The following LDLRAD4 variants were observed in gnomAD, a reference collection of about 807,000 sequenced individuals.
LDLRAD4 encodes the protein low-density lipoprotein receptor class A domain-containing protein 4.
LDLRAD4 carries 5 observed loss-of-function variants against 17.0 expected under a neutral mutation model. That is an observed-to-expected ratio of 0.29 (90% CI 0.15 to 0.62). The LOEUF is 0.62. Among genes scored for constraint, LDLRAD4 ranks in the 20% least tolerant of loss-of-function variants. The probability of loss-of-function intolerance (pLI) is 0.84; values close to 1 mark genes in which losing one functional copy is unlikely to be tolerated. For missense variants in LDLRAD4, 340 were observed against 424.7 expected (o/e 0.80, Z 1.75); for synonymous variants, 168 against 171.8 (o/e 0.98, Z 0.17).
intron 1 of LDLRAD4, among the ~76,000 whole-genome samples, chr18:13,379,791 A>G (rs1599792283): frequency 6.6e-6 from 1 of 152,304 alleles, no homozygotes; most frequent in Admixed American, 6.5e-5. Flanking sequence ...GTCGGTTCAT[A>G]TTCTTTTCTA....
intron 1 of LDLRAD4, among the ~76,000 whole-genome samples, chr18:13,226,211 G>A (rs796496298): frequency 2.1e-4 from 3 of 14,286 alleles, no homozygotes; most frequent in East Asian, 3.0e-3. Context: ...TGTAGAGACC[G>A]GGTTTCGCCA....
intron 1 of LDLRAD4, among the ~76,000 whole-genome samples, chr18:13,344,784 A>G (rs2082585153): frequency 6.6e-6 from 1 of 152,148 alleles, no homozygotes; most frequent in South Asian, 2.1e-4. Context: ...TTCTCCTTGA[A>G]GAGGTCCTTC....
intron 3 of LDLRAD4, among the ~76,000 whole-genome samples, chr18:13,498,679 G>A (rs927093947): frequency 2.1e-5 from 3 of 140,308 alleles, no homozygotes; most frequent in Admixed American, 1.4e-4. Context: ...CCCCACACAC[G>A]TCCTGCTGTG....
intron 3 of LDLRAD4, among the ~76,000 whole-genome samples, chr18:13,573,864 G>A (rs1416819264): frequency 6.6e-6 from 1 of 152,184 alleles, no homozygotes; most frequent in African/African-American, 2.4e-5. Context: ...ATCCTGGAGA[G>A]GGATTAGAAG....
At chr18:13,307,565 G>GT (rs1224888215) in intron 1 of LDLRAD4, among the ~76,000 whole-genome samples, 1 of 152,054 alleles carries the variant, frequency 6.6e-6, no homozygotes, top group Non-Finnish European at 1.5e-5. Flanking sequence ...CACAGGGCAT[G>GT]TCACCACTCC....
At chr18:13,600,323 C>T (rs1225863613) in intron 3 of LDLRAD4, among the ~76,000 whole-genome samples, 5 of 152,110 alleles carry the variant, frequency 3.3e-5, no homozygotes, top group Non-Finnish European at 5.9e-5. Context: ...TAGGGTGGGA[C>T]TTGAAGGACT....
Position 13,650,908 on chromosome 18 carries a change from T to TATG in LDLRAD4, c.*5253_*5255dup, listed in dbSNP as rs3840888. 4.0e-3 allele frequency: 614 copies of TATG among 152,434 alleles called. 5 individuals carry two copies. The highest frequency in any genetic ancestry group is 0.028 in the East Asian group (148 of 5,196). The allele number at this position is 152,434 out of a possible 1,614,324, so 9.4% of individuals were successfully genotyped here. A position where few individuals can be genotyped will look rare whatever the true frequency, so the allele number is the denominator to read the frequency against. On this transcript the variant is annotated 3_prime_UTR_variant, in exon 6 of 6. Coordinates refer to ENST00000359446, the Ensembl canonical transcript of LDLRAD4. ...AAGTGTGAACAAACAAGCAACAGTT[T>TATG]ATGACCAGCGTATATATAGCAATGG...
chr18:13,371,769 GAGAGAGAGAGAGAA>G (rs1213329515), intron 1 of LDLRAD4, among the ~76,000 whole-genome samples: 1 of 151,252 alleles, frequency 6.6e-6, no homozygotes, highest in Non-Finnish European at 1.5e-5. Context: ...TGTCTCAAAA[GAGAGAGAGAGAGAA>G]AGAGAGAGAG....
chr18:13,408,549 T>C (rs1370711829), intron 2 of LDLRAD4, among the ~76,000 whole-genome samples: 1 of 152,094 alleles, frequency 6.6e-6, no homozygotes, highest in African/African-American at 2.4e-5. Flanking sequence ...ATTGGCTCAC[T>C]GCAACCTCTG....
intron 1 of LDLRAD4, among the ~76,000 whole-genome samples, chr18:13,331,660 T>C (rs1305142348): frequency 2.0e-5 from 3 of 152,234 alleles, no homozygotes; most frequent in Non-Finnish European, 2.9e-5. Flanking sequence ...CTAAATAAAC[T>C]GCACTTGATT....
At chr18:13,617,898 G>A (rs1415974759) in intron 3 of LDLRAD4, among the ~76,000 whole-genome samples, 1 of 152,202 alleles carries the variant, frequency 6.6e-6, no homozygotes, top group Non-Finnish European at 1.5e-5. Flanking sequence ...AACGAATGCA[G>A]CCTTTACAAA....
At chr18:13,549,823 C>A (rs1483698796) in intron 3 of LDLRAD4, among the ~76,000 whole-genome samples, 1 of 152,042 alleles carries the variant, frequency 6.6e-6, no homozygotes, top group Non-Finnish European at 1.5e-5. Flanking sequence ...TCTGGGGAAG[C>A]CAGCAGCAGA....
At chr18:13,608,921 CCAA>C (rs1413576436) in intron 3 of LDLRAD4, among the ~76,000 whole-genome samples, 1 of 152,208 alleles carries the variant, frequency 6.6e-6, no homozygotes. Context: ...CTTGTTGCTA[CCAA>C]CAACTCTTGT....
At chr18:13,627,680 A>G (rs2041297184) in intron 4 of LDLRAD4, among the ~76,000 whole-genome samples, 1 of 152,166 alleles carries the variant, frequency 6.6e-6, no homozygotes, top group African/African-American at 2.4e-5. Context: ...GCCCAGCCTG[A>G]CATGGTCACT....
intron 1 of LDLRAD4, among the ~76,000 whole-genome samples, chr18:13,364,192 A>G (rs1173594431): frequency 1.3e-5 from 2 of 152,226 alleles, no homozygotes; most frequent in Non-Finnish European, 2.9e-5. Flanking sequence ...AGACATGCCA[A>G]GCTACTAACA....
At chr18:13,416,151 A>G (rs1449056225) in intron 2 of LDLRAD4, among the ~76,000 whole-genome samples, 1 of 152,186 alleles carries the variant, frequency 6.6e-6, no homozygotes, top group Non-Finnish European at 1.5e-5. Context: ...ATTCTGAGCT[A>G]TGGCGAGTCA....
intron 1 of LDLRAD4, among the ~76,000 whole-genome samples, chr18:13,384,783 C>T (rs1379453581): frequency 6.6e-6 from 1 of 152,264 alleles, no homozygotes; most frequent in Non-Finnish European, 1.5e-5. Context: ...AATGTCCTCC[C>T]GTTTCATCCA....
intron 1 of LDLRAD4, among the ~76,000 whole-genome samples, chr18:13,325,676 C>T (rs1034176862): frequency 9.2e-5 from 14 of 152,370 alleles, no homozygotes; most frequent in South Asian, 8.3e-4. Context: ...CGCACCCGCC[C>T]GTCTCGGAAC....
chr18:13,483,747 A>G (rs2146986079), intron 3 of LDLRAD4, among the ~76,000 whole-genome samples: 1 of 152,200 alleles, frequency 6.6e-6, no homozygotes, highest in African/African-American at 2.4e-5. Flanking sequence ...GGACTCAGAG[A>G]AATGAGACCC....
Sources: gnomAD v4.1 joint callset for allele counts (sites outside exome capture counted in the v4.1 genomes callset) on GRCh38, gnomAD v4.1.1 for gene constraint, MANE v1.5 for transcripts, NCBI Gene and HGNC (gene_info 2026-07-23, HGNC 2026-07-21) for gene names.